Variants in CCDC146 observed in about 807,000 individuals in gnomAD.
The protein encoded by CCDC146 is coiled-coil domain-containing protein 146.
CCDC146 carries 92 observed loss-of-function variants against 119.3 expected under a neutral mutation model. The observed-to-expected ratio is 0.77, with a 90% CI of 0.65 to 0.92. The LOEUF (loss-of-function observed/expected upper bound fraction) is 0.92. Ranked by LOEUF, CCDC146 falls within the 40% of genes least tolerant of loss-of-function variation. The probability of loss-of-function intolerance (pLI) is 0.00; values close to 1 mark genes in which losing one functional copy is unlikely to be tolerated. For missense variants in CCDC146, 1,000 were observed against 1,103.0 expected, an observed-to-expected ratio of 0.91 and a Z score of 1.32; for synonymous variants, 372 against 371.8, an observed-to-expected ratio of 1.00 and a Z score of -0.01.
At chr7:77,149,976 A>G (rs1390507642) in intron 1 of CCDC146, among the ~76,000 whole-genome samples, 4 of 151,872 alleles carry the variant, frequency 2.6e-5, no homozygotes, top group African/African-American at 9.7e-5. Flanking sequence ...TTTTCAACAA[A>G]TGGCGGGAAT....
chr7:77,204,473 A>G (rs993442340), intron 2 of CCDC146, among the ~76,000 whole-genome samples: 6 of 152,236 alleles, frequency 3.9e-5, no homozygotes, highest in African/African-American at 1.4e-4. Context: ...AAGTCTTCCA[A>G]TATGGACCTA....
chr7:77,252,995 G>A (rs769850540), intron 4 of CCDC146, among the ~76,000 whole-genome samples: 1 of 152,194 alleles, frequency 6.6e-6, no homozygotes, highest in African/African-American at 2.4e-5. Context: ...GTCCAGGAAG[G>A]GAAAATGGTG....
At chr7:77,256,199 C>T (rs1163492721) in intron 5 of CCDC146, 134 bp from the exon 6 acceptor site, 2 of 613,230 alleles carry the variant, frequency 3.3e-6, no homozygotes, top group African/African-American at 1.9e-5. Flanking sequence ...ATCATTTAAC[C>T]TTGTGAGAAA....
At chr7:77,271,521 TATATATATATATATATATA>T (rs1562856536) in intron 9 of CCDC146, among the ~76,000 whole-genome samples, 2,165 of 18,694 alleles carry the variant, frequency 0.12, 83 homozygotes, top group Middle Eastern at 0.19. Flanking sequence ...GAGATATATA[TATATATATATATATATATA>T]TATATATATA....
At chr7:77,191,951 T>C (rs556312981) in intron 2 of CCDC146, among the ~76,000 whole-genome samples, 43 of 151,452 alleles carry the variant, frequency 2.8e-4, no homozygotes, top group African/African-American at 9.9e-4. Context: ...ATGATGATGA[T>C]TTTTTTTCTC....
chr7:77,202,569 G>C (rs1458708541), intron 2 of CCDC146, among the ~76,000 whole-genome samples: 1 of 152,180 alleles, frequency 6.6e-6, no homozygotes, highest in African/African-American at 2.4e-5. Flanking sequence ...GAACTCCTCT[G>C]TTGACCAGTT....
At chr7:77,252,326 A>G (rs1213068170) in intron 4 of CCDC146, among the ~76,000 whole-genome samples, 2 of 152,228 alleles carry the variant, frequency 1.3e-5, no homozygotes, top group Non-Finnish European at 2.9e-5. Context: ...CAGATTCAAA[A>G]AGCTCAATGA....
chr7:77,196,905 C>G lies in CCDC146; in HGVS notation c.156+29081C>G. Reference sequence around the variant, plus strand: ...ACTTCAAAGCTACTATTTTTGGGATCAGGTGTAACTCTGTAGGTCTCACTG... The same window carrying G: ...ACTTCAAAGCTACTATTTTTGGGATGAGGTGTAACTCTGTAGGTCTCACTG... On this transcript the variant is annotated intron_variant, in intron 2 of 18. Transcript: ENST00000285871. This position sits in a 1 kb window ranked among gnomAD's most constrained non-coding sequence, Gnocchi z 4.2. The G allele has an allele frequency of 6.2e-7, 1 of 1,613,872 alleles. No homozygotes were observed. Among genetic ancestry groups the G allele is most frequent in the East Asian group, 2.2e-5 (1 of 44,876 alleles).
Position 77,274,483 on chromosome 7 carries a change from A to C in CCDC146, c.1271A>C (p.Lys424Thr). The C allele has an allele frequency of 6.5e-7, 1 of 1,535,612 alleles. No individual in the cohort carries two copies. The highest frequency in any genetic ancestry group is 8.8e-7 in the Non-Finnish European group (1 of 1,142,690). Residue 424 changes from lysine to threonine, a missense_variant and splice_region_variant, in exon 11 of 19, where the codon AAA becomes ACA. Transcript: ENST00000285871. ...ATTATCTGTGTTTTTTTTCAAAAGA[A>C]AATTATATCAGAAATGGAGTCTAAG... ...EVAKRNLAQQ[K>T]IISEMESKLV...
At chr7:77,266,742 G>C (rs1209476305) in intron 9 of CCDC146, among the ~76,000 whole-genome samples, 1 of 152,056 alleles carries the variant, frequency 6.6e-6, no homozygotes, top group African/African-American at 2.4e-5. Flanking sequence ...TTCTCCATAG[G>C]TCCAGCTCCT....
intron 1 of CCDC146, among the ~76,000 whole-genome samples, chr7:77,130,601 T>C (rs201611172): frequency 1.5e-3 from 216 of 147,492 alleles, no homozygotes; most frequent in Middle Eastern, 3.4e-3. Context: ...TTCTTTCTTT[T>C]TTTTTTTTTT....
intron 17 of CCDC146, among the ~76,000 whole-genome samples, chr7:77,289,397 A>G (rs1482025570): frequency 2.0e-5 from 3 of 151,982 alleles, no homozygotes; most frequent in African/African-American, 4.8e-5. Flanking sequence ...CCTACCTTCC[A>G]TGCTCTCCAT....
chr7:77,282,812 C>T lies in CCDC146; in HGVS notation c.2148+27C>T, dbSNP rs758781309. On this transcript the variant is annotated intron_variant, in intron 15 of 18. Transcript: ENST00000285871. ...TGGGTGAGTGATCACGGGACACTTC[C>T]TCAGACCATTTATTTTTTTCTGCCT... is the stretch of plus-strand genomic sequence containing the variant. The T allele has an allele frequency of 2.7e-6, 4 of 1,492,806 alleles. 1 individual carries two copies. The South Asian group carries it at 3.4e-5, about 13-fold the overall frequency. The allele number at this position is 1,492,806 out of a possible 1,614,324, so 92.5% of individuals were successfully genotyped here.
At position 77,282,695 on chromosome 7, in the gene CCDC146, T is replaced by C; in HGVS notation, c.2058T>C (p.Ile686=). 1 of 1,614,158 alleles carries C rather than the reference T, an allele frequency of 6.2e-7. No homozygotes were observed. The highest frequency in any genetic ancestry group is 8.5e-7 in the Non-Finnish European group (1 of 1,180,008). The part of the protein sequence containing the change: ...EEKIQFLKMK[I]AEKQRQICVT... ...AGATCCAATTCCTGAAAATGAAGAT[T>C]GCTGAGAAGCAAAGACAAATTTGTG... The change falls in exon 15 of 19, where the codon ATT becomes ATC. Residue 686 remains isoleucine (I), a synonymous_variant. Coordinates refer to ENST00000285871, the MANE Select transcript of CCDC146 (RefSeq NM_020879.3).
At chr7:77,269,381 GT>G (rs1412234123) in intron 9 of CCDC146, among the ~76,000 whole-genome samples, 2 of 151,766 alleles carry the variant, frequency 1.3e-5, no homozygotes, top group Admixed American at 1.3e-4. Context: ...TTTTCTCCGT[GT>G]TTTTTCTGTA....
rs1584136157 is a variant in CCDC146, at chr7:77,274,563, A to G, written c.1351A>G (p.Met451Val). The G allele has an allele frequency of 6.2e-7, 1 of 1,613,464 alleles. No individual in the cohort carries two copies. Residue 451 changes from methionine to valine, a missense_variant, in exon 11 of 19, where the codon ATG (methionine) becomes GTG (valine). Transcript: ENST00000285871. Reference protein sequence around the residue: ...ENKLLKEQENMKELVVNLLRM... With the variant: ...ENKLLKEQENVKELVVNLLRM... ...CAAGCTTTTAAAGGAGCAAGAAAAC[A>G]TGAAAGAGCTAGTAGTCAACCTTCT... is the stretch of plus-strand genomic sequence containing the variant.
At chr7:77,206,539 AG>A (rs1045767643) in intron 2 of CCDC146, among the ~76,000 whole-genome samples, 8 of 151,926 alleles carry the variant, frequency 5.3e-5, no homozygotes, top group African/African-American at 1.9e-4. Flanking sequence ...AGGCTGAGGC[AG>A]GAAAATCGCT....
At chr7:77,140,939 C>T (rs1156529422) in intron 1 of CCDC146, among the ~76,000 whole-genome samples, 1 of 151,554 alleles carries the variant, frequency 6.6e-6, no homozygotes, top group Non-Finnish European at 1.5e-5. Context: ...TTTTTTTATA[C>T]TTTCAGTTCT....
At chr7:77,144,846 G>A (rs536970638) in intron 1 of CCDC146, among the ~76,000 whole-genome samples, 5 of 151,710 alleles carry the variant, frequency 3.3e-5, no homozygotes, top group African/African-American at 9.7e-5. Flanking sequence ...TTTTTTCATC[G>A]ATGTTCATCA....
Sources: gnomAD v4.1 joint callset for allele counts (sites outside exome capture counted in the v4.1 genomes callset) on GRCh38, gnomAD v4.1.1 for gene constraint, Gnocchi (gnomAD v3.1) non-coding constraint, MANE v1.5 for transcripts, NCBI Gene and HGNC (gene_info 2026-07-23, HGNC 2026-07-21) for gene names.